CYTH3: variants seen among roughly 807,000 people sequenced by gnomAD.
The protein encoded by CYTH3 is cytohesin-3.
A neutral mutation model predicts 55.1 loss-of-function variants in CYTH3; 23 were observed. The observed-to-expected ratio is 0.42, with a 90% CI of 0.30 to 0.59. CYTH3 has a LOEUF of 0.59. CYTH3 is among the 20% of genes least tolerant of loss of function. The pLI, the probability that CYTH3 is intolerant of heterozygous loss-of-function variation, is 0.20. For synonymous variants in CYTH3, 249 were observed against 194.9 expected, an observed-to-expected ratio of 1.28 and a Z score of -2.31; for missense variants, 413 against 524.8, an observed-to-expected ratio of 0.79 and a Z score of 2.08.
In CYTH3 at chr7:6,165,533, G is replaced by A. The variant is rs1318153923; in HGVS notation, c.972+12C>T. 2 of 1,613,482 alleles carry A rather than the reference G, an allele frequency of 1.2e-6. No homozygotes were observed. Among genetic ancestry groups the A allele is most frequent in the Admixed American group, 1.7e-5 (1 of 59,986 alleles). On this transcript the variant is annotated intron_variant, in intron 11 of 12. Transcript: ENST00000350796. ...GGCTGGCAGGAGAGAAGGTTCAGGA[G>A]GAAGAGCTTACGGGTTTCCGGGGGT...
chr7:6,260,720 A>AG (rs1780332527), intron 1 of CYTH3, among the ~76,000 whole-genome samples: 1 of 152,134 alleles, frequency 6.6e-6, no homozygotes, highest in Admixed American at 6.5e-5. Flanking sequence ...AAGGCTTCCT[A>AG]GGCCTCACTG....
chr7:6,182,223 T>C (rs756537827), intron 4 of CYTH3, among the ~76,000 whole-genome samples: 5 of 152,166 alleles, frequency 3.3e-5, no homozygotes, highest in Non-Finnish European at 5.9e-5. Context: ...AATTTTTTTC[T>C]ATTTTTAGTA....
In CYTH3 at chr7:6,170,223, T is replaced by G; in HGVS notation, c.823+312A>C. 2 of 368,416 alleles carry G rather than the reference T, an allele frequency of 5.4e-6. No homozygotes were observed. Among genetic ancestry groups the G allele is most frequent in the Non-Finnish European group, 9.9e-6 (2 of 202,676 alleles). The allele number at this position is 368,416 out of a possible 1,614,324, so 22.8% of individuals were successfully genotyped here. A position where few individuals can be genotyped will look rare whatever the true frequency, so the allele number is the denominator to read the frequency against. On this transcript the variant is annotated intron_variant, in intron 9 of 12. Transcript: ENST00000350796. This position sits in a 1 kb window ranked among gnomAD's most constrained non-coding sequence, Gnocchi z 7.8. Reference sequence around the variant, plus strand: ...AACCGAGAGAGGCACACAGGCTCTGTGGAGATAATGCGCTTGCTTCTCGTG... The same window carrying G: ...AACCGAGAGAGGCACACAGGCTCTGGGGAGATAATGCGCTTGCTTCTCGTG...
intron 1 of CYTH3, among the ~76,000 whole-genome samples, chr7:6,248,628 A>G (rs369883118): frequency 6.6e-6 from 1 of 152,100 alleles, no homozygotes; most frequent in Non-Finnish European, 1.5e-5. Flanking sequence ...CTGCTCATCA[A>G]TATCGCTGCT....
rs773878487 is a variant in CYTH3 at position 6,177,861 on chromosome 7, G to C, written c.330C>G (p.Gly110=). ...AGTCCCCAATGACGGTCTTATTTAG[G>C]CCTTCTCCTTTATAAAGGAACTGGG... ...DVAQFLYKGE[G]LNKTVIGDYL... The change falls in exon 5 of 13, where the codon GGC becomes GGG. Residue 110 remains glycine (G), a synonymous_variant. Coordinates refer to ENST00000350796, the MANE Select transcript of CYTH3 (RefSeq NM_004227.4). 1 of 1,614,100 alleles carries C rather than the reference G, an allele frequency of 6.2e-7. No individual in the cohort carries two copies. Among genetic ancestry groups the C allele is most frequent in the Non-Finnish European group, 8.5e-7 (1 of 1,179,958 alleles).
rs934225788 is a variant in CYTH3, at chr7:6,270,567, T to G, written c.34+1907A>C. Among the ~76,000 whole-genome samples the G allele has an allele frequency of 2.0e-5, 3 of 152,230 alleles. No individual in the cohort carries two copies. The South Asian group carries it at 6.2e-4, about 32-fold the overall frequency. On this transcript the variant is annotated intron_variant, in intron 1 of 12. Transcript: ENST00000350796. ...TAATGTCACCAATGTTTATGTTGTT[T>G]AAACCATGATGTATAAAACTGCTTA...
At position 6,251,142 on chromosome 7, in the gene CYTH3, G is replaced by A. The variant is rs1014484554; in HGVS notation, c.34+21332C>T. 3.9e-5 allele frequency among the ~76,000 whole-genome samples: 6 copies of A among 152,186 alleles called. No homozygotes were observed. In the South Asian group the frequency reaches 1.2e-3, roughly 31 times the overall value. ...ATAGAAAAATTAGCTGGACGTGGTGGCGGGCGCCTGTAGTCTCAGCTACTT... is the reference window on the plus strand; with the variant it reads ...ATAGAAAAATTAGCTGGACGTGGTGACGGGCGCCTGTAGTCTCAGCTACTT... On this transcript the variant is annotated intron_variant, in intron 1 of 12. Coordinates refer to ENST00000350796, the MANE Select transcript of CYTH3 (RefSeq NM_004227.4).
rs140656667 is a variant in CYTH3, at chr7:6,210,316, A to G, written c.35-19785T>C. ...TTTAAAGTAGGGATAATGACATCCA[A>G]AGCTACCAAATAATTCTCTAAGACA... On this transcript the variant is annotated intron_variant, in intron 1 of 12. Transcript: ENST00000350796. 1.4e-3 allele frequency among the ~76,000 whole-genome samples: 212 copies of G among 152,346 alleles called. 1 individual carries two copies. The highest frequency in any genetic ancestry group is 4.9e-3 in the African/African-American group (202 of 41,566).
intron 1 of CYTH3, among the ~76,000 whole-genome samples, chr7:6,241,717 A>G (rs1583189776): frequency 6.6e-6 from 1 of 152,178 alleles, no homozygotes; most frequent in East Asian, 1.9e-4. Flanking sequence ...AGCTGTTTAA[A>G]AAAAGTGGTG....
chr7:6,234,709 G>A (rs572682653), intron 1 of CYTH3, among the ~76,000 whole-genome samples: 2 of 152,222 alleles, frequency 1.3e-5, no homozygotes, highest in South Asian at 2.1e-4. Context: ...TAGCTCTAGG[G>A]CCCTCCAGCT....
At chr7:6,231,333 A>G (rs538931845) in intron 1 of CYTH3, among the ~76,000 whole-genome samples, 2 of 152,324 alleles carry the variant, frequency 1.3e-5, no homozygotes, top group East Asian at 3.9e-4. Flanking sequence ...GGGGACTGGG[A>G]GAAGAGCCTC....
chr7:6,194,115 A>T (rs893909851), intron 1 of CYTH3, among the ~76,000 whole-genome samples: 16 of 152,170 alleles, frequency 1.1e-4, no homozygotes, highest in African/African-American at 2.9e-4. Flanking sequence ...CTTCCTTCCC[A>T]AACTGGAGGT....
intron 5 of CYTH3, 119 bp downstream of exon 5, chr7:6,177,704 C>T: frequency 2.7e-6 from 2 of 752,928 alleles, no homozygotes; most frequent in South Asian, 1.7e-5. Context: ...TGGATGCCCA[C>T]AGCCCGTGGC....
intron 1 of CYTH3, among the ~76,000 whole-genome samples, chr7:6,214,992 T>C (rs904159164): frequency 6.6e-6 from 1 of 151,694 alleles, no homozygotes; most frequent in Non-Finnish European, 1.5e-5. Context: ...AAGACAAAAA[T>C]TTAAACAGAA....
At chr7:6,194,182 A>C (rs1439579674) in intron 1 of CYTH3, among the ~76,000 whole-genome samples, 3 of 152,264 alleles carry the variant, frequency 2.0e-5, no homozygotes, top group Non-Finnish European at 4.4e-5. Context: ...AAAAAGGGAT[A>C]AAAGTGGTTA....
At chr7:6,217,688 C>G (rs1207328814) in intron 1 of CYTH3, among the ~76,000 whole-genome samples, 1 of 152,074 alleles carries the variant, frequency 6.6e-6, no homozygotes, top group Middle Eastern at 3.2e-3. Flanking sequence ...CACCATCAAC[C>G]AACAAAGTCT....
At chr7:6,222,031 C>T (rs1380245371) in intron 1 of CYTH3, among the ~76,000 whole-genome samples, 1 of 152,186 alleles carries the variant, frequency 6.6e-6, no homozygotes, top group African/African-American at 2.4e-5. Context: ...CCTATACCCT[C>T]GTGACCAGAC....
intron 1 of CYTH3, among the ~76,000 whole-genome samples, chr7:6,198,208 A>C (rs1393625457): frequency 6.6e-6 from 1 of 152,216 alleles, no homozygotes; most frequent in Admixed American, 6.5e-5. Context: ...TAACAGAATT[A>C]TCCTTGACAC....
intron 1 of CYTH3, among the ~76,000 whole-genome samples, chr7:6,242,403 GTC>G (rs1420411073): frequency 7.9e-6 from 1 of 127,004 alleles, no homozygotes; most frequent in Non-Finnish European, 1.6e-5. Flanking sequence ...TTAAGACGGA[GTC>G]TCACTCTGTT....
Sources: gnomAD v4.1 joint callset for allele counts (sites outside exome capture counted in the v4.1 genomes callset) on GRCh38, gnomAD v4.1.1 for gene constraint, Gnocchi (gnomAD v3.1) non-coding constraint, MANE v1.5 for transcripts, NCBI Gene and HGNC (gene_info 2026-07-23, HGNC 2026-07-21) for gene names.